Variants in CENPV observed in about 807,000 individuals in gnomAD.
The protein encoded by CENPV is nuclear protein p30.
In CENPV, 15 loss-of-function variants were observed where a neutral mutation model predicts 26.4. The ratio of observed to expected loss-of-function variants is 0.57; its 90% CI spans 0.38 to 0.88. CENPV has a LOEUF of 0.88. Ranked by LOEUF, CENPV falls within the 40% of genes least tolerant of loss-of-function variation. The pLI is 0.00. For synonymous variants in CENPV, 172 were observed against 165.5 expected (o/e 1.04, Z -0.30); for missense variants, 336 against 376.5 (o/e 0.89, Z 0.89).
Position 16,353,391 on chromosome 17 carries a change from TCTGCCCGCGCAG to T in CENPV, c.34_45del (p.Leu12_Gln15del). 1.5e-6 allele frequency: 1 copy of T among 683,796 alleles called. No homozygotes were observed. The highest frequency in any genetic ancestry group is 8.2e-5 in the South Asian group (1 of 12,154). 42.4% of individuals were successfully genotyped at this position (683,796 alleles called of 1,614,324 possible). ...GGGGCCGCGGAGGCCCCGGACCGCT[TCTGCCCGCGCAG>T]CTTGGCGGCCGCAGAGCTCCTCGAT... On this transcript the variant is annotated inframe_deletion, in exon 1 of 5. Transcript: ENST00000299736.
chr17:16,345,328 T>C (rs1298538983), intron 3 of CENPV, among the ~76,000 whole-genome samples: 1 of 148,770 alleles, frequency 6.7e-6, no homozygotes, highest in Non-Finnish European at 1.5e-5. Context: ...CCCAACACTT[T>C]GAGGCCGAGG....
chr17:16,351,107 T>C (rs2093227046), intron 1 of CENPV: 1 of 152,066 alleles, frequency 6.6e-6, no homozygotes, highest in South Asian at 2.1e-4. Flanking sequence ...TAATTTTGTA[T>C]TTTTAGTAGA....
chr17:16,347,972 A>G (rs1471264447), intron 3 of CENPV: 1 of 152,278 alleles, frequency 6.6e-6, no homozygotes, highest in Non-Finnish European at 1.5e-5. Context: ...CAATAGGTTT[A>G]GATGTATTTC....
At chr17:16,350,748 AATT>A (rs2093225324) in intron 1 of CENPV, 1 of 150,942 alleles carries the variant, frequency 6.6e-6, no homozygotes, top group African/African-American at 2.5e-5. Context: ...CTCAAATAAT[AATT>A]AATTATGATT....
rs1172256045 is a variant in CENPV at position 16,342,850 on chromosome 17, C to T, written c.786G>A (p.Glu262=). The change falls in exon 5 of 5, where the codon GAG becomes GAA. Residue 262 remains glutamate (E), a synonymous_variant. Coordinates refer to ENST00000299736, the MANE Select transcript of CENPV (RefSeq NM_181716.3). ...NGSDWEKAMK[E]HKTIKNMSKE ...TAGACATGTTCTTGATGGTCTTGTG[C>T]TCTTTCATGGCCTTCTCCCAATCGC... The T allele has an allele frequency of 1.2e-6, 2 of 1,614,010 alleles. No individual in the cohort carries two copies. Among genetic ancestry groups the T allele is most frequent in the African/African-American group, 2.7e-5 (2 of 74,898 alleles).
In CENPV at chr17:16,342,788, C is replaced by T. The variant is rs751719331; in HGVS notation, c.*29G>A. 3.7e-6 allele frequency: 6 copies of T among 1,613,630 alleles called. No individual in the cohort carries two copies. In the African/African-American group the frequency reaches 5.3e-5, roughly 14 times the overall value. On this transcript the variant is annotated 3_prime_UTR_variant, in exon 5 of 5. Coordinates refer to ENST00000299736, the MANE Select transcript of CENPV (RefSeq NM_181716.3). ...GCAAAGTTGCTGGCCCCAATCATTC[C>T]TCCTTTTCAGGGCAGGAGAGGCAGA... is the stretch of plus-strand genomic sequence containing the variant.
intron 3 of CENPV, 59 bp downstream of exon 3, chr17:16,348,557 G>C: frequency 6.2e-7 from 1 of 1,605,136 alleles, no homozygotes; most frequent in African/African-American, 1.3e-5. Context: ...TTGGGTGGGG[G>C]GTCCTGTAAA....
chr17:16,344,566 CCT>C (rs568558529), intron 4 of CENPV, 29 bp downstream of exon 4: 38 of 1,348,536 alleles, frequency 2.8e-5, no homozygotes, highest in Admixed American at 2.4e-4. Flanking sequence ...TCTGTGTCCC[CCT>C]GAGCTTGCAG....
intron 2 of CENPV, chr17:16,349,460 A>G (rs1160732724): frequency 3.0e-6 from 3 of 986,330 alleles, no homozygotes; most frequent in Non-Finnish European, 3.6e-6. Flanking sequence ...CAGGCCCTCC[A>G]CAGCCAGCAG....
At chr17:16,348,358 T>C (rs1189086404) in intron 3 of CENPV, 3 of 682,904 alleles carry the variant, frequency 4.4e-6, no homozygotes, top group Non-Finnish European at 6.1e-6. Context: ...GGTTTCACCA[T>C]GTTGGCCAGG....
At chr17:16,350,968 T>C (rs970330432) in intron 1 of CENPV, 2 of 152,052 alleles carry the variant, frequency 1.3e-5, no homozygotes, top group African/African-American at 4.8e-5. Context: ...GTTTCATTCT[T>C]GTTGCCCAGG....
intron 3 of CENPV, among the ~76,000 whole-genome samples, chr17:16,345,168 A>C (rs886805439): frequency 6.6e-6 from 1 of 150,484 alleles, no homozygotes; most frequent in Non-Finnish European, 1.5e-5. Context: ...AGGCTGAGGC[A>C]GGAGAATGGC....
At chr17:16,345,760 G>A (rs1300208856) in intron 3 of CENPV, among the ~76,000 whole-genome samples, 1 of 152,074 alleles carries the variant, frequency 6.6e-6, no homozygotes, top group East Asian at 1.9e-4. Context: ...ATCACATCAG[G>A]GAGGGAAAGT....
At chr17:16,345,586 T>C (rs1240684177) in intron 3 of CENPV, among the ~76,000 whole-genome samples, 3 of 152,028 alleles carry the variant, frequency 2.0e-5, no homozygotes, top group Non-Finnish European at 2.9e-5. Flanking sequence ...TGTAGGGCTC[T>C]TTGTACTAAG....
Position 16,353,258 on chromosome 17 carries a change from T to C in CENPV, c.179A>G (p.Lys60Arg). 1 of 1,417,752 alleles carries C rather than the reference T, an allele frequency of 7.1e-7. No homozygotes were observed. Among genetic ancestry groups the C allele is most frequent in the Non-Finnish European group, 9.2e-7 (1 of 1,086,718 alleles). The allele number at this position is 1,417,752 out of a possible 1,614,324, so 87.8% of individuals were successfully genotyped here. Residue 60 changes from lysine to arginine, a missense_variant, in exon 1 of 5, where the codon AAG (lysine) becomes AGG (arginine). By Grantham distance (26) the Lys-to-Arg change is conservative (BLOSUM62 2). Coordinates refer to ENST00000299736, the MANE Select transcript of CENPV (RefSeq NM_181716.3). The part of the protein sequence containing the change: ...SQAVEKPPSE[K>R]PRLRRSSPRA... ...CGGCGACGAGCGCCTCAGCCGCGGC[T>C]TCTCCGACGGCGGCTTCTCCACCGC...
intron 3 of CENPV, among the ~76,000 whole-genome samples, chr17:16,347,139 C>A (rs1224911258): frequency 1.3e-5 from 2 of 152,158 alleles, no homozygotes; most frequent in Non-Finnish European, 2.9e-5. Context: ...GCATGAGCTA[C>A]TGTGCCTGGC....
intron 1 of CENPV, 112 bp downstream of exon 1, chr17:16,352,915 A>G: frequency 2.2e-6 from 3 of 1,340,780 alleles, no homozygotes; most frequent in African/African-American, 1.5e-5. Flanking sequence ...CGTAACGTGG[A>G]AGGCTCAGAG....
chr17:16,344,120 T>A (rs1435448351), intron 4 of CENPV, among the ~76,000 whole-genome samples: 1 of 151,992 alleles, frequency 6.6e-6, no homozygotes, highest in African/African-American at 2.4e-5. Context: ...AGTGCTGGGA[T>A]ACAGGTGTGA....
At chr17:16,349,762 A>G (rs2093221803) in intron 2 of CENPV, 169 bp downstream of exon 2, 3 of 1,423,014 alleles carry the variant, frequency 2.1e-6, no homozygotes, top group Admixed American at 3.0e-5. Context: ...GCCATATAAA[A>G]GGAACAAAAA....
Sources: gnomAD v4.1 joint callset for allele counts (sites outside exome capture counted in the v4.1 genomes callset) on GRCh38, gnomAD v4.1.1 for gene constraint, MANE v1.5 for transcripts, NCBI Gene and HGNC (gene_info 2026-07-23, HGNC 2026-07-21) for gene names.